Variants in TRPM3 observed in about 807,000 individuals in gnomAD.
The protein encoded by TRPM3 is long transient receptor potential channel 3.
In TRPM3, 77 loss-of-function variants were observed where a neutral mutation model predicts 181.2. That is an observed-to-expected ratio of 0.42 (90% CI 0.35 to 0.51). The LOEUF is 0.51. Among genes scored for constraint, TRPM3 ranks in the 20% least tolerant of loss-of-function variants. The probability of loss-of-function intolerance (pLI) is 0.01; values close to 1 mark genes in which losing one functional copy is unlikely to be tolerated. For missense variants in TRPM3, 1,759 were observed against 2,196.7 expected (o/e 0.80, Z 3.98); for synonymous variants, 745 against 796.4 (o/e 0.94, Z 1.09).
Position 70,836,316 on chromosome 9 carries a change from C to G in TRPM3, c.801+6687G>C, listed in dbSNP as rs188890563. ...CACATAAACAAACTCCAGTCTCCCC[C>G]CATCTTAAAGGAAAAATTCCCTCAC... is the stretch of plus-strand genomic sequence containing the variant. On this transcript the variant is annotated intron_variant, in intron 5 of 25. Coordinates refer to ENST00000677713, the MANE Select transcript of TRPM3 (RefSeq NM_001366145.2). Among the ~76,000 whole-genome samples the G allele has an allele frequency of 1.3e-3, 205 of 152,220 alleles. 1 individual carries two copies. The highest frequency in any genetic ancestry group is 3.4e-3 in the Middle Eastern group (1 of 294).
Position 71,102,971 on chromosome 9 carries a change from G to A in TRPM3, c.177+18207C>T, listed in dbSNP as rs186364332. The stretch of plus-strand genomic sequence containing the variant: ...TGCTTTGCCATTTCCTGATAAACCA[G>A]ACATATTTACCTTCTTTCAATATTT... On this transcript the variant is annotated intron_variant, in intron 1 of 25. Transcript: ENST00000677713. Among the ~76,000 whole-genome samples, 19 of 152,214 alleles carry A rather than the reference G, an allele frequency of 1.2e-4. No individual in the cohort carries two copies. In the East Asian group the frequency reaches 3.7e-3, roughly 29 times the overall value.
intron 1 of TRPM3, among the ~76,000 whole-genome samples, chr9:71,016,524 A>C (rs532197979): frequency 3.3e-5 from 5 of 152,238 alleles, no homozygotes; most frequent in African/African-American, 1.2e-4. Context: ...TTGTCCTTTT[A>C]TGACTGACTT....
chr9:70,881,079 G>GT (rs2095983099), intron 1 of TRPM3, among the ~76,000 whole-genome samples: 1 of 151,746 alleles, frequency 6.6e-6, no homozygotes, highest in South Asian at 2.1e-4. Context: ...ACAAGTTTTT[G>GT]TTAAATTTTT....
intron 1 of TRPM3, among the ~76,000 whole-genome samples, chr9:71,215,253 T>G (rs147956737): frequency 2.6e-5 from 4 of 152,342 alleles, no homozygotes; most frequent in African/African-American, 9.6e-5. Flanking sequence ...AGGCACTGAA[T>G]GGCGCTTATA....
chr9:71,131,769 T>C (rs2074390265), intron 1 of TRPM3, among the ~76,000 whole-genome samples: 2 of 152,132 alleles, frequency 1.3e-5, no homozygotes, highest in African/African-American at 4.8e-5. Context: ...GACTCTAAAC[T>C]GCAGGTAGAG....
At chr9:70,918,369 CG>C (rs1485252796) in intron 1 of TRPM3, among the ~76,000 whole-genome samples, 2 of 151,942 alleles carry the variant, frequency 1.3e-5, no homozygotes, top group Non-Finnish European at 2.9e-5. Flanking sequence ...AACTATATGT[CG>C]GATCACAAAA....
intron 1 of TRPM3, among the ~76,000 whole-genome samples, chr9:71,314,360 A>G (rs1305025497): frequency 6.6e-6 from 1 of 152,108 alleles, no homozygotes. Context: ...ATTCTTCAAC[A>G]TTTAAGTTTC....
intron 1 of TRPM3, among the ~76,000 whole-genome samples, chr9:70,953,258 C>T (rs1456602381): frequency 6.6e-6 from 1 of 152,168 alleles, no homozygotes; most frequent in East Asian, 1.9e-4. Flanking sequence ...AGTTACTTAA[C>T]CATTTGAAGC....
chr9:70,906,393 A>G (rs1479045510), intron 1 of TRPM3, among the ~76,000 whole-genome samples: 2 of 152,194 alleles, frequency 1.3e-5, no homozygotes, highest in Non-Finnish European at 2.9e-5. Context: ...ACTGGGCCTG[A>G]GCGCTGAAAG....
intron 1 of TRPM3, among the ~76,000 whole-genome samples, chr9:71,149,782 T>C (rs772465612): frequency 2.8e-4 from 42 of 151,972 alleles, no homozygotes; most frequent in Non-Finnish European, 5.3e-4. Context: ...GAGACCAGCC[T>C]GAGCAACCCC....
intron 21 of TRPM3, among the ~76,000 whole-genome samples, chr9:70,591,960 T>C (rs188173431): frequency 9.2e-5 from 14 of 152,344 alleles, no homozygotes; most frequent in South Asian, 2.1e-4. Context: ...GTAGAAATGA[T>C]GGATTTTCAT....
At chr9:71,114,001 A>C (rs1401229555) in intron 1 of TRPM3, among the ~76,000 whole-genome samples, 1 of 152,210 alleles carries the variant, frequency 6.6e-6, no homozygotes, top group African/African-American at 2.4e-5. Flanking sequence ...GTCTTGGATC[A>C]CACTTTGAGA....
At chr9:70,561,291 T>C (rs1023181475) in intron 22 of TRPM3, among the ~76,000 whole-genome samples, 4 of 152,234 alleles carry the variant, frequency 2.6e-5, no homozygotes, top group African/African-American at 4.8e-5. Context: ...ACAGCTGCTG[T>C]GGCTTTACTG....
At chr9:71,307,557 C>G (rs1024205943) in intron 1 of TRPM3, among the ~76,000 whole-genome samples, 2 of 152,076 alleles carry the variant, frequency 1.3e-5, no homozygotes, top group Non-Finnish European at 2.9e-5. Context: ...TTTTGATAGT[C>G]TGCTTCTCCT....
At chr9:70,804,364 C>G (rs1485789826) in intron 6 of TRPM3, among the ~76,000 whole-genome samples, 1 of 152,072 alleles carries the variant, frequency 6.6e-6, no homozygotes, top group Non-Finnish European at 1.5e-5. Context: ...ACCCAAAAAA[C>G]TACTGTTCTT....
chr9:71,222,353 TC>T (rs2080292195), intron 1 of TRPM3, among the ~76,000 whole-genome samples: 3 of 152,152 alleles, frequency 2.0e-5, no homozygotes, highest in Non-Finnish European at 4.4e-5. Context: ...GAAGAGGTGG[TC>T]CTTTGTTCAT....
chr9:70,832,384 G>C (rs371390735), intron 5 of TRPM3, among the ~76,000 whole-genome samples: 16 of 152,026 alleles, frequency 1.1e-4, no homozygotes, highest in African/African-American at 3.6e-4. Flanking sequence ...TTGTGGGCCC[G>C]AATACCTGTA....
At chr9:70,637,338 T>A (rs1412237629) in intron 11 of TRPM3, among the ~76,000 whole-genome samples, 1 of 152,184 alleles carries the variant, frequency 6.6e-6, no homozygotes, top group African/African-American at 2.4e-5. Context: ...TAGCTATTAT[T>A]ATTACTGAGG....
intron 1 of TRPM3, among the ~76,000 whole-genome samples, chr9:71,318,862 G>A (rs560889732): frequency 1.3e-5 from 2 of 152,094 alleles, no homozygotes; most frequent in Admixed American, 6.6e-5. Flanking sequence ...TCAAGCTAAC[G>A]AACATTTGCA....
Sources: allele counts gnomAD v4.1 joint callset (sites outside exome capture counted in the v4.1 genomes callset), GRCh38; gene constraint gnomAD v4.1.1; transcripts MANE v1.5; gene names NCBI Gene and HGNC (gene_info 2026-07-23, HGNC 2026-07-21).